Variants in NINL observed in about 807,000 individuals in gnomAD.
NINL encodes the protein ninein like, also known as ninein-like protein.
NINL carries 153 observed loss-of-function variants against 160.3 expected under a neutral mutation model. The observed-to-expected ratio is 0.95, with a 90% CI of 0.84 to 1.09. The LOEUF (loss-of-function observed/expected upper bound fraction) is 1.09, where lower values mean the gene tolerates loss of function less well. NINL is among the 50% of genes least tolerant of loss of function. NINL has a pLI of 0.00. For synonymous variants in NINL, 800 were observed against 734.8 expected, an observed-to-expected ratio of 1.09 and a Z score of -1.43; for missense variants, 1,829 against 1,764.0, an observed-to-expected ratio of 1.04 and a Z score of -0.66.
chr20:25,461,716 T>C, intron 20 of NINL, 81 bp from the exon 21 acceptor site: 1 of 985,882 alleles, frequency 1.0e-6, no homozygotes, highest in Non-Finnish European at 1.6e-6. Context: ...CCTCAGAAAA[T>C]TACAGAAAAG....
intron 1 of NINL, among the ~76,000 whole-genome samples, chr20:25,554,491 A>C (rs2064841214): frequency 6.6e-6 from 1 of 151,616 alleles, no homozygotes; most frequent in South Asian, 2.1e-4. Flanking sequence ...TTTATACAAA[A>C]CCTATGGCTG....
chr20:25,503,819 T>G, intron 7 of NINL, 133 bp downstream of exon 7: 1 of 1,049,022 alleles, frequency 9.5e-7, no homozygotes, highest in African/African-American at 1.6e-5. Flanking sequence ...TATACATGCG[T>G]GTGTGCATGG....
chr20:25,465,115 C>G (rs745792606), intron 19 of NINL, among the ~76,000 whole-genome samples: 10 of 152,208 alleles, frequency 6.6e-5, no homozygotes, highest in Non-Finnish European at 1.5e-4. Context: ...TCTGCTCCAG[C>G]CTTTAGGCCT....
At chr20:25,529,252 G>A (rs2064409624) in intron 1 of NINL, among the ~76,000 whole-genome samples, 1 of 152,054 alleles carries the variant, frequency 6.6e-6, no homozygotes, top group Middle Eastern at 3.4e-3. Flanking sequence ...TAGCCTGGGT[G>A]ACAGAGCAAG....
intron 1 of NINL, among the ~76,000 whole-genome samples, chr20:25,526,889 G>A (rs934656930): frequency 3.3e-5 from 5 of 152,156 alleles, no homozygotes; most frequent in African/African-American, 1.2e-4. Flanking sequence ...ATTAGGCCAG[G>A]TATGGGTGAC....
chr20:25,473,633 G>A lies in NINL; in HGVS notation c.3248+2410C>T, dbSNP rs1027716986. On this transcript the variant is annotated intron_variant, in intron 17 of 23. Transcript: ENST00000278886. ...GAGGCCAGGAGTTCAAGACCAGCCTGGCCAACATGGTGAAACCCCGTCTGT... is the reference window on the plus strand; with the variant it reads ...GAGGCCAGGAGTTCAAGACCAGCCTAGCCAACATGGTGAAACCCCGTCTGT... Among the ~76,000 whole-genome samples, 383 of 151,354 alleles carry A rather than the reference G, an allele frequency of 2.5e-3. 2 individuals are homozygous for A. The highest frequency in any genetic ancestry group is 9.0e-3 in the African/African-American group (370 of 41,258).
chr20:25,564,700 G>T (rs1300394555), intron 1 of NINL, among the ~76,000 whole-genome samples: 1 of 151,774 alleles, frequency 6.6e-6, no homozygotes, highest in Non-Finnish European at 1.5e-5. Context: ...TGATCCACCT[G>T]CCTCAGCCTC....
intron 16 of NINL, among the ~76,000 whole-genome samples, chr20:25,477,828 T>C (rs2063296476): frequency 6.6e-6 from 1 of 151,794 alleles, no homozygotes; most frequent in Non-Finnish European, 1.5e-5. Flanking sequence ...CTGTTCCCAC[T>C]GGGGTCTGCA....
intron 1 of NINL, among the ~76,000 whole-genome samples, chr20:25,531,314 G>A (rs2064457023): frequency 6.6e-6 from 1 of 152,102 alleles, no homozygotes. Flanking sequence ...AATTTGTGCA[G>A]TTAATGCAAT....
At chr20:25,521,695 T>A (rs781159513) in intron 2 of NINL, among the ~76,000 whole-genome samples, 4 of 152,234 alleles carry the variant, frequency 2.6e-5, no homozygotes, top group African/African-American at 9.6e-5. Flanking sequence ...AATTCATCTT[T>A]ACCCTACAGG....
intron 1 of NINL, among the ~76,000 whole-genome samples, chr20:25,546,328 T>C (rs2064731734): frequency 6.6e-6 from 1 of 152,224 alleles, no homozygotes; most frequent in Admixed American, 6.5e-5. Context: ...TCTCCATACC[T>C]GTTATTCAAT....
intron 1 of NINL, among the ~76,000 whole-genome samples, chr20:25,537,014 T>C (rs2064568781): frequency 6.6e-6 from 1 of 152,234 alleles, no homozygotes; most frequent in Non-Finnish European, 1.5e-5. Context: ...TGGTTGCCTC[T>C]AAGGAGAGAG....
At chr20:25,577,613 G>C (rs139980447) in intron 1 of NINL, among the ~76,000 whole-genome samples, 1 of 152,130 alleles carries the variant, frequency 6.6e-6, no homozygotes, top group Non-Finnish European at 1.5e-5. Flanking sequence ...AGTGAATATT[G>C]CACTATATTG....
intron 15 of NINL, among the ~76,000 whole-genome samples, chr20:25,479,627 G>T (rs2146555966): frequency 6.6e-6 from 1 of 152,314 alleles, no homozygotes; most frequent in South Asian, 2.1e-4. Context: ...GATCCCCAGG[G>T]CATGGCCACA....
chr20:25,529,865 A>C (rs2064426724), intron 1 of NINL, among the ~76,000 whole-genome samples: 1 of 152,170 alleles, frequency 6.6e-6, no homozygotes, highest in South Asian at 2.1e-4. Flanking sequence ...AATACAAATG[A>C]AAAAGAAAGA....
intron 7 of NINL, among the ~76,000 whole-genome samples, chr20:25,502,868 T>G (rs1034607743): frequency 6.6e-6 from 1 of 152,230 alleles, no homozygotes; most frequent in Non-Finnish European, 1.5e-5. Context: ...CCATGCTTCC[T>G]GCACAGCCTG....
chr20:25,475,242 C>G (rs2063203076), intron 17 of NINL, among the ~76,000 whole-genome samples: 1 of 151,830 alleles, frequency 6.6e-6, no homozygotes, highest in Non-Finnish European at 1.5e-5. Context: ...CAGCGAGACT[C>G]TGTCTCAAAA....
At chr20:25,480,780 C>T (rs976592225) in intron 14 of NINL, among the ~76,000 whole-genome samples, 1 of 152,222 alleles carries the variant, frequency 6.6e-6, no homozygotes, top group African/African-American at 2.4e-5. Context: ...CTAACCCCTG[C>T]TGGAATTAGC....
intron 14 of NINL, among the ~76,000 whole-genome samples, chr20:25,481,158 G>A (rs1452858635): frequency 6.6e-6 from 1 of 152,152 alleles, no homozygotes; most frequent in African/African-American, 2.4e-5. Context: ...GGAGAACTCT[G>A]AAGTTCTCCC....
Sources: gnomAD v4.1 joint callset for allele counts (sites outside exome capture counted in the v4.1 genomes callset) on GRCh38, gnomAD v4.1.1 for gene constraint, MANE v1.5 for transcripts, NCBI Gene and HGNC (gene_info 2026-07-23, HGNC 2026-07-21) for gene names.